LSAMP: variants seen among roughly 807,000 people sequenced by gnomAD.
The protein encoded by LSAMP is limbic system associated membrane protein, also known as limbic system-associated membrane protein.
In LSAMP, 7 loss-of-function variants were observed where a neutral mutation model predicts 38.6. The ratio of observed to expected loss-of-function variants is 0.18; its 90% CI spans 0.10 to 0.34. The LOEUF is 0.34. Among genes scored for constraint, LSAMP ranks in the 10% least tolerant of loss-of-function variants. The pLI, the probability that LSAMP is intolerant of heterozygous loss-of-function variation, is 1.00. For synonymous variants in LSAMP, 154 were observed against 166.8 expected (o/e 0.92, Z 0.59); for missense variants, 313 against 420.0 (o/e 0.75, Z 2.23).
chr3:116,301,012 A>G (rs964369053), intron 1 of LSAMP, among the ~76,000 whole-genome samples: 2 of 152,050 alleles, frequency 1.3e-5, no homozygotes, highest in Non-Finnish European at 2.9e-5. Flanking sequence ...CAGTCTCAGA[A>G]TATTATTGTA....
intron 1 of LSAMP, among the ~76,000 whole-genome samples, chr3:116,142,141 T>C (rs933800677): frequency 6.6e-5 from 10 of 152,034 alleles, no homozygotes; most frequent in African/African-American, 2.4e-4. Context: ...CACTAATGAC[T>C]GAAGTAGTTT....
chr3:116,382,189 T>C (rs890087999), intron 1 of LSAMP, among the ~76,000 whole-genome samples: 2 of 152,062 alleles, frequency 1.3e-5, no homozygotes, highest in African/African-American at 4.8e-5. Context: ...CATGCTGCTA[T>C]AAAGACACAT....
At chr3:115,999,260 C>T (rs1939917546) in intron 3 of LSAMP, among the ~76,000 whole-genome samples, 1 of 152,142 alleles carries the variant, frequency 6.6e-6, no homozygotes, top group Non-Finnish European at 1.5e-5. Context: ...TGTTTCTTTT[C>T]CCTCCATGGG....
chr3:115,834,637 A>G, intron 6 of LSAMP: 1 of 1,032,680 alleles, frequency 9.7e-7, no homozygotes, highest in Non-Finnish European at 1.2e-6. Flanking sequence ...GAGATTTTAA[A>G]TATTATATAT....
At chr3:116,306,089 G>A (rs544215236) in intron 1 of LSAMP, among the ~76,000 whole-genome samples, 66 of 152,040 alleles carry the variant, frequency 4.3e-4, no homozygotes, top group African/African-American at 1.3e-3. Context: ...AGGCTATCAC[G>A]TACCAGGAAT....
At chr3:115,935,049 CAAAAACA>C (rs1937651797) in intron 3 of LSAMP, among the ~76,000 whole-genome samples, 1 of 144,524 alleles carries the variant, frequency 6.9e-6, no homozygotes, top group Non-Finnish European at 1.5e-5. Flanking sequence ...CAAACAAAAA[CAAAAACA>C]AAAAACAAAA....
At chr3:116,319,087 C>T (rs1171989161) in intron 1 of LSAMP, among the ~76,000 whole-genome samples, 2 of 152,080 alleles carry the variant, frequency 1.3e-5, no homozygotes, top group Non-Finnish European at 2.9e-5. Context: ...ATAATGCAAA[C>T]AGTAATTAGT....
intron 1 of LSAMP, among the ~76,000 whole-genome samples, chr3:116,158,667 C>A (rs1272466490): frequency 2.6e-5 from 4 of 151,928 alleles, no homozygotes; most frequent in Non-Finnish European, 5.9e-5. Context: ...TCTACAACAA[C>A]AATTACAAAG....
chr3:116,356,110 T>C (rs2048219872), intron 1 of LSAMP, among the ~76,000 whole-genome samples: 1 of 151,652 alleles, frequency 6.6e-6, no homozygotes, highest in African/African-American at 2.4e-5. Context: ...CAGTGTTTCA[T>C]AGAAGAGATA....
At chr3:116,053,410 G>T (rs1043537148) in intron 2 of LSAMP, among the ~76,000 whole-genome samples, 2 of 152,196 alleles carry the variant, frequency 1.3e-5, no homozygotes, top group African/African-American at 2.4e-5. Flanking sequence ...ATGGCACAAT[G>T]AAATGGGTGA....
intron 3 of LSAMP, among the ~76,000 whole-genome samples, chr3:115,985,966 T>C (rs1270994571): frequency 6.6e-6 from 1 of 152,132 alleles, no homozygotes; most frequent in Non-Finnish European, 1.5e-5. Flanking sequence ...AACTTTTCGA[T>C]CGATTTGTTA....
chr3:116,411,327 G>A (rs1188738867), intron 1 of LSAMP, among the ~76,000 whole-genome samples: 4 of 151,870 alleles, frequency 2.6e-5, no homozygotes, highest in East Asian at 3.9e-4. Context: ...ACATGCACAC[G>A]TATGTTTAGT....
chr3:116,202,062 C>A (rs2045994290), intron 1 of LSAMP, among the ~76,000 whole-genome samples: 1 of 152,076 alleles, frequency 6.6e-6, no homozygotes, highest in African/African-American at 2.4e-5. Context: ...CTACTTCAGT[C>A]ATGACTACCC....
rs756436677 is a variant in LSAMP, at chr3:115,871,527, GT to G, written c.515-18911del. The stretch of plus-strand genomic sequence containing the variant: ...AAAGATACAAAGATATGATACCCCT[GT>G]TTAAATTGTTTCAGTGTACAAAGAA... On this transcript the variant is annotated intron_variant, in intron 3 of 6. Transcript: ENST00000490035. Among the ~76,000 whole-genome samples the G allele has an allele frequency of 1.8e-3, 267 of 151,812 alleles. 5 individuals are homozygous for G. The highest frequency in any genetic ancestry group is 5.6e-4 in the Non-Finnish European group (38 of 67,936).
At chr3:115,956,000 A>G (rs1482011625) in intron 3 of LSAMP, among the ~76,000 whole-genome samples, 1 of 152,088 alleles carries the variant, frequency 6.6e-6, no homozygotes, top group East Asian at 1.9e-4. Flanking sequence ...AAGGATAAAA[A>G]CTTTAACTGA....
At chr3:116,300,845 G>A (rs376149054) in intron 1 of LSAMP, among the ~76,000 whole-genome samples, 2 of 152,066 alleles carry the variant, frequency 1.3e-5, no homozygotes, top group South Asian at 2.1e-4. Context: ...CACATAAGTC[G>A]GCATGTAATA....
At chr3:116,267,625 A>AAC (rs2046909737) in intron 1 of LSAMP, among the ~76,000 whole-genome samples, 1 of 144,778 alleles carries the variant, frequency 6.9e-6, no homozygotes, top group Admixed American at 7.0e-5. Context: ...AAAAAAAAAA[A>AAC]AACTGTCACT....
chr3:116,092,584 G>C (rs1576357843), intron 1 of LSAMP, among the ~76,000 whole-genome samples: 1 of 152,222 alleles, frequency 6.6e-6, no homozygotes, highest in Middle Eastern at 3.4e-3. Context: ...TAGTATATTT[G>C]ATTCCATAAA....
chr3:115,946,852 C>T (rs896710989), intron 3 of LSAMP, among the ~76,000 whole-genome samples: 1 of 151,914 alleles, frequency 6.6e-6, no homozygotes, highest in African/African-American at 2.4e-5. Flanking sequence ...AAATAACAGG[C>T]CCATTTCTTT....
Sources: gnomAD v4.1 joint callset for allele counts (sites outside exome capture counted in the v4.1 genomes callset) on GRCh38, gnomAD v4.1.1 for gene constraint, MANE v1.5 for transcripts, NCBI Gene and HGNC (gene_info 2026-07-23, HGNC 2026-07-21) for gene names.